The following RTTN variants were observed in gnomAD, a reference collection of about 807,000 sequenced individuals.
RTTN encodes rotatin.
Under a neutral mutation model 269.2 loss-of-function variants are expected in RTTN, and 182 were observed. The ratio of observed to expected loss-of-function variants is 0.68; its 90% CI spans 0.60 to 0.76. The LOEUF is 0.76. Among genes scored for constraint, RTTN ranks in the 30% least tolerant of loss-of-function variants. The probability of loss-of-function intolerance (pLI) is 0.00; values close to 1 mark genes in which losing one functional copy is unlikely to be tolerated. For missense variants in RTTN, 2,545 were observed against 2,608.6 expected (o/e 0.98, Z 0.53); for synonymous variants, 1,006 against 963.5 (o/e 1.04, Z -0.82).
intron 11 of RTTN, among the ~76,000 whole-genome samples, chr18:70,172,105 T>C (rs530038100): frequency 4.6e-5 from 7 of 152,328 alleles, no homozygotes; most frequent in Non-Finnish European, 8.8e-5. Flanking sequence ...TTCCCAGATG[T>C]TTCCCCAAAT....
chr18:70,131,865 A>C (rs1266959181), intron 23 of RTTN: 1 of 152,022 alleles, frequency 6.6e-6, no homozygotes, highest in Admixed American at 6.6e-5. Flanking sequence ...AATTATAGTA[A>C]ATGTAAAATG....
At chr18:70,195,262 C>A (rs186711170) in intron 7 of RTTN, among the ~76,000 whole-genome samples, 2 of 152,342 alleles carry the variant, frequency 1.3e-5, no homozygotes, top group Non-Finnish European at 2.9e-5. Flanking sequence ...TGCAGCTCTT[C>A]GAGTGACGAT....
intron 46 of RTTN, among the ~76,000 whole-genome samples, chr18:70,010,761 G>A (rs1480703745): frequency 2.0e-5 from 3 of 152,110 alleles, no homozygotes; most frequent in Non-Finnish European, 4.4e-5. Context: ...AGGAGAGAGA[G>A]ACACGAAAAA....
chr18:70,135,187 A>C lies in RTTN; in HGVS notation c.2882T>G (p.Met961Arg). Reference protein sequence around the residue: ...LLFDEVSRMDMWSVNPSNKPS... With the variant: ...LLFDEVSRMDRWSVNPSNKPS... ...CTTATAAATTCTTATATCTCACCAC[A>C]TATCCATTCTCGATACTTCATCAAA... The change falls in exon 22 of 49, where the codon ATG becomes AGG. Residue 961 changes from methionine to arginine, a missense_variant. Transcript: ENST00000640769. 6.7e-7 allele frequency: 1 copy of C among 1,499,238 alleles called. No individual in the cohort carries two copies. The highest frequency in any genetic ancestry group is 9.0e-7 in the Non-Finnish European group (1 of 1,112,152). The allele number at this position is 1,499,238 out of a possible 1,614,324, so 92.9% of individuals were successfully genotyped here.
intron 28 of RTTN, among the ~76,000 whole-genome samples, chr18:70,099,039 T>C (rs1005238660): frequency 1.3e-5 from 2 of 152,202 alleles, no homozygotes; most frequent in South Asian, 2.1e-4. Flanking sequence ...ACCCAGTCTA[T>C]TGCTGATGGA....
chr18:70,076,373 C>G (rs552653983), intron 32 of RTTN, among the ~76,000 whole-genome samples: 56 of 151,974 alleles, frequency 3.7e-4, no homozygotes, highest in African/African-American at 1.4e-3. Context: ...AGGAAAGATA[C>G]GTTCAAAACA....
chr18:70,027,407 CT>C (rs1170418669), intron 43 of RTTN, among the ~76,000 whole-genome samples: 1 of 152,182 alleles, frequency 6.6e-6, no homozygotes, highest in Admixed American at 6.5e-5. Context: ...GGATTTACTT[CT>C]TATTAAACAA....
intron 10 of RTTN, among the ~76,000 whole-genome samples, chr18:70,184,714 T>TGTGTGTGTGTG (rs1195408237): frequency 2.0e-3 from 106 of 53,452 alleles, no homozygotes; most frequent in African/African-American, 4.6e-3. Context: ...TTTTTTTTTT[T>TGTGTGTGTGTG]TTTGTGTGTG....
chr18:70,127,723 C>G lies in RTTN; in HGVS notation c.3162G>C (p.Lys1054Asn), dbSNP rs1287869351. The G allele has an allele frequency of 6.2e-7, 1 of 1,611,112 alleles. No homozygotes were observed. Among genetic ancestry groups the G allele is most frequent in the South Asian group, 1.1e-5 (1 of 90,910 alleles). The change falls in exon 25 of 49, where the codon AAG (lysine) becomes AAC (asparagine). Residue 1054 changes from lysine (K) to asparagine (N), a missense_variant. Transcript: ENST00000640769. ...GAGTGAGGATGTCCTCTGTAGATAA[C>G]TTCAATGCATCTAAAATTCTAGACA... ...TKTQEILDALKLSTEDILTLK... is the reference protein window; with the variant it reads ...TKTQEILDALNLSTEDILTLK...
At chr18:70,111,623 A>C (rs2059469348) in intron 27 of RTTN, among the ~76,000 whole-genome samples, 1 of 152,216 alleles carries the variant, frequency 6.6e-6, no homozygotes, top group Non-Finnish European at 1.5e-5. Flanking sequence ...AAAAAGGAAC[A>C]AACAAAGGCT....
At chr18:70,140,849 T>C (rs547569822) in intron 19 of RTTN, among the ~76,000 whole-genome samples, 82 of 152,286 alleles carry the variant, frequency 5.4e-4, no homozygotes, top group Non-Finnish European at 1.1e-3. Context: ...CTGTAATTGA[T>C]TATATATTCG....
intron 12 of RTTN, among the ~76,000 whole-genome samples, chr18:70,167,810 G>A (rs2061030629): frequency 6.6e-6 from 1 of 151,868 alleles, no homozygotes; most frequent in African/African-American, 2.4e-5. Flanking sequence ...AAAGGAAAGG[G>A]GAAAAAAAAC....
chr18:70,146,349 A>G (rs1238094431), intron 17 of RTTN, among the ~76,000 whole-genome samples: 1 of 152,200 alleles, frequency 6.6e-6, no homozygotes, highest in African/African-American at 2.4e-5. Context: ...GAGACCTTTC[A>G]AGAAAAGAGT....
chr18:70,039,514 T>C (rs1485316535), intron 40 of RTTN, among the ~76,000 whole-genome samples: 1 of 152,126 alleles, frequency 6.6e-6, no homozygotes, highest in Non-Finnish European at 1.5e-5. Context: ...AAACAAAAGC[T>C]GAAGGATTTC....
intron 14 of RTTN, among the ~76,000 whole-genome samples, chr18:70,157,667 G>A (rs762847284): frequency 3.3e-5 from 5 of 152,242 alleles, no homozygotes; most frequent in African/African-American, 4.8e-5. Flanking sequence ...AAGGAAGCTC[G>A]ACAAGATATA....
chr18:70,073,233 G>C (rs905763833), intron 34 of RTTN, among the ~76,000 whole-genome samples: 9 of 151,976 alleles, frequency 5.9e-5, no homozygotes, highest in African/African-American at 2.2e-4. Flanking sequence ...CTGAAACCTA[G>C]TATCAATCAT....
At chr18:70,192,842 A>C (rs1600038318) in intron 8 of RTTN, among the ~76,000 whole-genome samples, 1 of 152,282 alleles carries the variant, frequency 6.6e-6, no homozygotes, top group Admixed American at 6.5e-5. Context: ...TACTATCAAC[A>C]ATGTATCTAT....
intron 17 of RTTN, among the ~76,000 whole-genome samples, chr18:70,147,343 TCAGTA>T (rs2060420705): frequency 6.6e-6 from 1 of 152,172 alleles, no homozygotes; most frequent in Non-Finnish European, 1.5e-5. Flanking sequence ...CATATGGTAT[TCAGTA>T]CAGTAACATG....
chr18:70,145,798 T>C lies in RTTN; in HGVS notation c.2310-15A>G. On this transcript the variant is annotated splice_polypyrimidine_tract_variant and intron_variant, in intron 17 of 48. Transcript: ENST00000640769. ...GCGAACGGACCCTGAGAACACAAAG[T>C]ACTTAAGTCGAACTTTCGTGATATG... 6.3e-7 allele frequency: 1 copy of C among 1,579,558 alleles called. No individual in the cohort carries two copies.
Sources: allele counts gnomAD v4.1 joint callset (sites outside exome capture counted in the v4.1 genomes callset), GRCh38; gene constraint gnomAD v4.1.1; transcripts MANE v1.5; gene names NCBI Gene and HGNC (gene_info 2026-07-23, HGNC 2026-07-21).